Variants in YTHDF1 observed in about 807,000 individuals in gnomAD.
YTHDF1 encodes the protein YTH domain-containing family protein 1.
A neutral mutation model predicts 49.1 loss-of-function variants in YTHDF1; 16 were observed. That is an observed-to-expected ratio of 0.33 (90% CI 0.22 to 0.49). The LOEUF (loss-of-function observed/expected upper bound fraction) is 0.49, where lower values mean the gene tolerates loss of function less well. Among genes scored for constraint, YTHDF1 ranks in the 20% least tolerant of loss-of-function variants. The pLI, the probability that YTHDF1 is intolerant of heterozygous loss-of-function variation, is 0.99. For missense variants in YTHDF1, 621 were observed against 744.3 expected (o/e 0.83, Z 1.93); for synonymous variants, 313 against 290.1 (o/e 1.08, Z -0.80).
chr20:63,201,810 C>A (rs535740073), intron 4 of YTHDF1, among the ~76,000 whole-genome samples: 10 of 152,340 alleles, frequency 6.6e-5, no homozygotes, highest in South Asian at 6.2e-4. Context: ...TACTGAGGGA[C>A]AGTGCCCTGG....
Position 63,203,709 on chromosome 20 carries a change from A to G in YTHDF1, c.231T>C (p.Thr77=). 6.2e-7 allele frequency: 1 copy of G among 1,614,220 alleles called. No homozygotes were observed. The highest frequency in any genetic ancestry group is 8.5e-7 in the Non-Finnish European group (1 of 1,180,038). Residue 77 remains threonine, a synonymous_variant, in exon 4 of 5, where the codon ACT becomes ACC. Coordinates refer to ENST00000370339, the MANE Select transcript of YTHDF1 (RefSeq NM_017798.4). The surrounding 1 kb of genome is among the most constrained non-coding windows in gnomAD (Gnocchi z 4.4). ...GGTATGGAATCGGAGGGTCCCCTGC[A>G]GTAGACCACGGAGCCTCATTGAGGG... is the stretch of plus-strand genomic sequence containing the variant. ...PYSLNEAPWS[T]AGDPPIPYLT...
Position 63,214,255 on chromosome 20 carries a change from C to T in YTHDF1, c.53-312G>A, listed in dbSNP as rs1210655926. On this transcript the variant is annotated intron_variant, in intron 2 of 4. Coordinates refer to ENST00000370339, the MANE Select transcript of YTHDF1 (RefSeq NM_017798.4). ...TGAAAACTGACATGGTCTAAGAAGA[C>T]TTATGTGTGGCAAAAAGAAGTGGAG... 3 of 416,640 alleles carry T rather than the reference C, an allele frequency of 7.2e-6. No individual in the cohort carries two copies. The South Asian group carries it at 3.0e-4, about 42-fold the overall frequency. The allele number at this position is 416,640 out of a possible 1,614,324, so 25.8% of individuals were successfully genotyped here. A position where few individuals can be genotyped will look rare whatever the true frequency, so the allele number is the denominator to read the frequency against.
At chr20:63,207,324 C>G (rs1054204076) in intron 3 of YTHDF1, among the ~76,000 whole-genome samples, 2 of 152,042 alleles carry the variant, frequency 1.3e-5, no homozygotes, top group African/African-American at 2.4e-5. Flanking sequence ...AAAAAATTAG[C>G]CGGGCGTGGT....
At chr20:63,210,149 G>C (rs1270153779) in intron 3 of YTHDF1, among the ~76,000 whole-genome samples, 1 of 152,114 alleles carries the variant, frequency 6.6e-6, no homozygotes, top group African/African-American at 2.4e-5. Flanking sequence ...AACGTCACCA[G>C]GTGCCAGGAA....
At chr20:63,205,529 G>T (rs764694440) in intron 3 of YTHDF1, among the ~76,000 whole-genome samples, 21 of 150,064 alleles carry the variant, frequency 1.4e-4, no homozygotes, top group Non-Finnish European at 2.7e-4. Flanking sequence ...TTTTTTTTGG[G>T]ACGAAGTCTC....
chr20:63,202,453 T>C lies in YTHDF1; in HGVS notation c.1487A>G (p.Asn496Ser). The C allele has an allele frequency of 6.2e-7, 1 of 1,614,300 alleles. No individual in the cohort carries two copies. Among genetic ancestry groups the C allele is most frequent in the Non-Finnish European group, 8.5e-7 (1 of 1,180,056 alleles). The change falls in exon 4 of 5, where the codon AAT (asparagine) becomes AGT (serine). Residue 496 changes from asparagine (N) to serine (S), a missense_variant. Physicochemically the swap from Asn to Ser is conservative, Grantham distance 46 (BLOSUM62 1). This residue lies in a region of YTHDF1 where 151 missense variants were observed against 248.5 expected (regional missense o/e 0.61). Coordinates refer to ENST00000370339, the MANE Select transcript of YTHDF1 (RefSeq NM_017798.4). ...GTTTGTGACCGGTTTGTTGTCGTTA[T>C]TCTCCAGCCTGATGTGCCGGAGCTG... Reference protein sequence around the residue: ...NNQLRHIRLENNDNKPVTNSR... With the variant: ...NNQLRHIRLESNDNKPVTNSR...
intron 4 of YTHDF1, among the ~76,000 whole-genome samples, chr20:63,199,396 G>A (rs183887155): frequency 6.6e-6 from 1 of 152,204 alleles, no homozygotes; most frequent in African/African-American, 2.4e-5. Context: ...GCAAGGGCCT[G>A]TAGTCCCAGC....
chr20:63,198,251 G>A (rs1296954131), intron 4 of YTHDF1, among the ~76,000 whole-genome samples: 1 of 151,216 alleles, frequency 6.6e-6, no homozygotes, highest in African/African-American at 2.4e-5. Context: ...TGGTCAACAT[G>A]GTAAAACCCC....
chr20:63,210,338 G>A (rs2066568241), intron 3 of YTHDF1, among the ~76,000 whole-genome samples: 2 of 152,196 alleles, frequency 1.3e-5, no homozygotes, highest in Non-Finnish European at 2.9e-5. Flanking sequence ...AGCCTGGGGG[G>A]CCAGCGGCAT....
intron 3 of YTHDF1, among the ~76,000 whole-genome samples, chr20:63,205,612 G>A (rs532737967): frequency 3.3e-5 from 5 of 151,662 alleles, no homozygotes; most frequent in Non-Finnish European, 5.9e-5. Context: ...AGGTTCAAGC[G>A]ATTCTCATGC....
rs745453443 is a variant in YTHDF1 at position 63,203,468 on chromosome 20, G to A, written c.472C>T (p.Leu158=). Residue 158 remains leucine (L), a synonymous_variant, in exon 4 of 5, where the codon CTG becomes TTG. Transcript: ENST00000370339. This position sits in a 1 kb window ranked among gnomAD's most constrained non-coding sequence, Gnocchi z 4.4. ...GSSYTYPPSS[L]GGTVVDGQPG... ...TGCCCATCAACCACCGTGCCACCCA[G>A]GGAGCTCGGGGGGTAGGTGTAGCTG... The A allele has an allele frequency of 2.0e-5, 32 of 1,613,158 alleles. No individual in the cohort carries two copies. In the South Asian group the frequency reaches 2.7e-4, roughly 14 times the overall value.
intron 1 of YTHDF1, 113 bp downstream of exon 1, chr20:63,215,753 T>C: frequency 7.3e-7 from 1 of 1,366,854 alleles, no homozygotes; most frequent in Non-Finnish European, 9.5e-7. Context: ...GAGACCCCGG[T>C]CCCGCCTGGG....
Position 63,199,175 on chromosome 20 carries a change from A to T in YTHDF1, c.1654-2441T>A, listed in dbSNP as rs73919072. 9.4e-3 allele frequency among the ~76,000 whole-genome samples: 1,433 copies of T among 152,332 alleles called. 19 individuals are homozygous for T. Among genetic ancestry groups the T allele is most frequent in the African/African-American group, 0.032 (1,333 of 41,574 alleles). On this transcript the variant is annotated intron_variant, in intron 4 of 4. Transcript: ENST00000370339. ...CTTGAGAAAACCGCCCGGGGGCTCTACCAGCACAGGCGCACAACCCTCTCC... is the reference window on the plus strand; with the variant it reads ...CTTGAGAAAACCGCCCGGGGGCTCTTCCAGCACAGGCGCACAACCCTCTCC...
At chr20:63,209,569 A>AGAACAGCCCAGGCAACACAGTGAGAC (rs2066564191) in intron 3 of YTHDF1, among the ~76,000 whole-genome samples, 1 of 152,194 alleles carries the variant, frequency 6.6e-6, no homozygotes, top group Non-Finnish European at 1.5e-5. Flanking sequence ...CAGGATTTCG[A>AGAACAGCCCAGGCAACACAGTGAGAC]GAACAGCCCA....
chr20:63,201,339 C>T (rs1353121910), intron 4 of YTHDF1, among the ~76,000 whole-genome samples: 2 of 152,106 alleles, frequency 1.3e-5, no homozygotes, highest in Non-Finnish European at 2.9e-5. Context: ...CTGAAAAAAA[C>T]ACTGAAAACC....
At chr20:63,214,189 A>G in intron 2 of YTHDF1, 1 of 860,514 alleles carries the variant, frequency 1.2e-6, no homozygotes, top group African/African-American at 1.8e-5. Flanking sequence ...GATTAACCAA[A>G]TCAAGTGTTA....
intron 3 of YTHDF1, among the ~76,000 whole-genome samples, chr20:63,205,739 C>T (rs1055998300): frequency 1.3e-5 from 2 of 152,164 alleles, no homozygotes; most frequent in African/African-American, 4.8e-5. Context: ...GAACTCCCAA[C>T]CTCAGGTGAT....
At chr20:63,209,855 C>T (rs2066565621) in intron 3 of YTHDF1, among the ~76,000 whole-genome samples, 1 of 152,260 alleles carries the variant, frequency 6.6e-6, no homozygotes, top group Non-Finnish European at 1.5e-5. Flanking sequence ...ATGGAGCTGT[C>T]ATCTCCTGTC....
chr20:63,211,977 ACACAC>A (rs2066576630), intron 3 of YTHDF1, among the ~76,000 whole-genome samples: 1 of 102,702 alleles, frequency 9.7e-6, no homozygotes, highest in African/African-American at 2.9e-5. Context: ...ACACACACAC[ACACAC>A]ACACACACAC....
Sources: gnomAD v4.1 joint callset for allele counts (sites outside exome capture counted in the v4.1 genomes callset) on GRCh38, gnomAD v4.1.1 for gene constraint, gnomAD v4.1.1 regional missense constraint, Gnocchi (gnomAD v3.1) non-coding constraint, MANE v1.5 for transcripts, NCBI Gene and HGNC (gene_info 2026-07-23, HGNC 2026-07-21) for gene names.